CELSR1: variants seen among roughly 807,000 people sequenced by gnomAD.
The protein encoded by CELSR1 is adhesion G protein-coupled receptor C1.
In CELSR1, 110 loss-of-function variants were observed where a neutral mutation model predicts 249.1. The ratio of observed to expected loss-of-function variants is 0.44; its 90% CI spans 0.38 to 0.52. CELSR1 has a LOEUF of 0.52. Among genes scored for constraint, CELSR1 ranks in the 20% least tolerant of loss-of-function variants. CELSR1 has a pLI of 0.00. For synonymous variants in CELSR1, 2,113 were observed against 1,900.0 expected, an observed-to-expected ratio of 1.11 and a Z score of -2.92; for missense variants, 4,109 against 4,296.4, an observed-to-expected ratio of 0.96 and a Z score of 1.22.
At chr22:46,419,508 G>A (rs1468682813) in intron 5 of CELSR1, among the ~76,000 whole-genome samples, 5 of 151,988 alleles carry the variant, frequency 3.3e-5, no homozygotes, top group Non-Finnish European at 2.9e-5. Flanking sequence ...AGCCTCCCGG[G>A]GCCTGCCTCC....
rs1294380713 is a variant in CELSR1, at chr22:46,433,654, C to G, written c.4523-173G>C. On this transcript the variant is annotated intron_variant, in intron 4 of 34. Transcript: ENST00000674500. This position sits in a 1 kb window ranked among gnomAD's most constrained non-coding sequence, Gnocchi z 5.7. ...CCCACCACTCCATCCATTTTCTTTT[C>G]TGGTTACAAAAGTAATTCTTGTTCC... is the stretch of plus-strand genomic sequence containing the variant. Among the ~76,000 whole-genome samples, 3 of 152,190 alleles carry G rather than the reference C, an allele frequency of 2.0e-5. 1 individual carries two copies. In the South Asian group the frequency reaches 6.2e-4, roughly 32 times the overall value.
intron 2 of CELSR1, among the ~76,000 whole-genome samples, chr22:46,453,162 A>G (rs1016636476): frequency 2.6e-5 from 4 of 152,170 alleles, no homozygotes; most frequent in East Asian, 1.9e-4. Context: ...ACATGGAAAG[A>G]CGACCGAGGA....
Position 46,536,374 on chromosome 22 carries a change from T to C in CELSR1, c.797A>G (p.Gln266Arg). The C allele has an allele frequency of 6.2e-7, 1 of 1,612,208 alleles. No homozygotes were observed. Among genetic ancestry groups the C allele is most frequent in the Non-Finnish European group, 8.5e-7 (1 of 1,179,436 alleles). Residue 266 changes from glutamine to arginine, a missense_variant, in exon 1 of 35, where the codon CAG becomes CGG. Around this residue, in one of 7 missense-constraint regions of CELSR1, gnomAD observed 673 missense variants for 636.8 expected, o/e 1.06. Transcript: ENST00000674500. ...ENEPAGTLILQLHAHYTIEGE... is the reference protein window; with the variant it reads ...ENEPAGTLILRLHAHYTIEGE... Reference sequence around the variant, plus strand: ...CTCGATGGTGTAGTGCGCGTGCAGCTGGAGGATGAGGGTGCCCGCCGGTTC... The same window carrying C: ...CTCGATGGTGTAGTGCGCGTGCAGCCGGAGGATGAGGGTGCCCGCCGGTTC...
At chr22:46,389,051 C>T (rs1168470261) in intron 18 of CELSR1, among the ~76,000 whole-genome samples, 1 of 152,268 alleles carries the variant, frequency 6.6e-6, no homozygotes, top group Non-Finnish European at 1.5e-5. Flanking sequence ...ACAGGCACTA[C>T]CAGGATCACC....
intron 9 of CELSR1, among the ~76,000 whole-genome samples, chr22:46,400,795 T>G (rs181582789): frequency 6.6e-6 from 1 of 151,700 alleles, no homozygotes; most frequent in African/African-American, 2.4e-5. Flanking sequence ...CTACTAAAAA[T>G]ACAAAAATTA....
rs903990857 is a variant in CELSR1, at chr22:46,488,452, C to T, written c.3545-24107G>A. On this transcript the variant is annotated intron_variant, in intron 1 of 34. Coordinates refer to ENST00000674500, the MANE Select transcript of CELSR1 (RefSeq NM_001378328.1). The surrounding 1 kb of genome is among the most constrained non-coding windows in gnomAD (Gnocchi z 4.7). ...TAGTGCCATAGAGCGTGCACCTAGG[C>T]GTGCGTGCCAGTGAGCTCAGTGGGA... is the stretch of plus-strand genomic sequence containing the variant. Among the ~76,000 whole-genome samples the T allele has an allele frequency of 2.6e-5, 4 of 152,156 alleles. No homozygotes were observed. Among genetic ancestry groups the T allele is most frequent in the Admixed American group, 6.5e-5 (1 of 15,280 alleles).
At chr22:46,513,773 T>C (rs1298636713) in intron 1 of CELSR1, among the ~76,000 whole-genome samples, 2 of 152,158 alleles carry the variant, frequency 1.3e-5, no homozygotes, top group Non-Finnish European at 2.9e-5. Flanking sequence ...AAGCCATAGA[T>C]AAGTTTATTA....
In CELSR1 at chr22:46,411,219, C is replaced by CA. The variant is rs1300189290; in HGVS notation, c.4769+382dup. On this transcript the variant is annotated intron_variant, in intron 6 of 34. Transcript: ENST00000674500. This position sits in a 1 kb window ranked among gnomAD's most constrained non-coding sequence, Gnocchi z 4.2. ...ATCTCAGAAAAAAACAAAACAACAA[C>CA]AAAAAAACATAAGCCTCTGGGACCA... is the stretch of plus-strand genomic sequence containing the variant. 6.6e-6 allele frequency among the ~76,000 whole-genome samples: 1 copy of CA among 152,014 alleles called. No homozygotes were observed. The highest frequency in any genetic ancestry group is 1.5e-5 in the Non-Finnish European group (1 of 67,986).
At position 46,413,032 on chromosome 22, in the gene CELSR1, G is replaced by T. The variant is rs2079356681; in HGVS notation, c.4612-1273C>A. Reference sequence around the variant, plus strand: ...CCTCCCACCACCCCTATAAAGGATGGGTTCGATGCCTCCTCCTGATAGTTC... The same window carrying T: ...CCTCCCACCACCCCTATAAAGGATGTGTTCGATGCCTCCTCCTGATAGTTC... On this transcript the variant is annotated intron_variant, in intron 5 of 34. Transcript: ENST00000674500. This position sits in a 1 kb window ranked among gnomAD's most constrained non-coding sequence, Gnocchi z 4.7. Among the ~76,000 whole-genome samples, 1 of 152,138 alleles carries T rather than the reference G, an allele frequency of 6.6e-6. No individual in the cohort carries two copies. Among genetic ancestry groups the T allele is most frequent in the African/African-American group, 2.4e-5 (1 of 41,412 alleles).
At position 46,393,038 on chromosome 22, in the gene CELSR1, C is replaced by G. The variant is rs1346624883; in HGVS notation, c.5964+1104G>C. Among the ~76,000 whole-genome samples the G allele has an allele frequency of 6.6e-6, 1 of 152,204 alleles. No homozygotes were observed. Among genetic ancestry groups the G allele is most frequent in the Non-Finnish European group, 1.5e-5 (1 of 68,038 alleles). On this transcript the variant is annotated intron_variant, in intron 14 of 34. Coordinates refer to ENST00000674500, the MANE Select transcript of CELSR1 (RefSeq NM_001378328.1). The surrounding 1 kb of genome is among the most constrained non-coding windows in gnomAD (Gnocchi z 4.1). ...ACACAAGTCCCATTTGCTGTTGGAA[C>G]CACCGCAGGCACTGGGGGGGGACAC... is the stretch of plus-strand genomic sequence containing the variant.
Position 46,367,716 on chromosome 22 carries a change from G to GGCC in CELSR1, c.8079+10_8079+12dup. 1.3e-6 allele frequency: 2 copies of GGCC among 1,587,332 alleles called. No individual in the cohort carries two copies. The highest frequency in any genetic ancestry group is 1.7e-6 in the Non-Finnish European group (2 of 1,168,130). On this transcript the variant is annotated intron_variant, in intron 28 of 34. Coordinates refer to ENST00000674500, the MANE Select transcript of CELSR1 (RefSeq NM_001378328.1). ...CAGGCAGGGGTCCCGCGGGCAACTC[G>GGCC]GCCGTCACCTACCTGTAAGCCGCTG...
At chr22:46,367,699 G>A in intron 28 of CELSR1, 30 bp downstream of exon 28, 2 of 1,575,406 alleles carry the variant, frequency 1.3e-6, no homozygotes, top group Non-Finnish European at 1.7e-6. Flanking sequence ...GCCAGGCAGG[G>A]GTCCCGCGGG....
Position 46,363,934 on chromosome 22 carries a change from TCTC to T in CELSR1, c.9035+59_9035+61del, listed in dbSNP as rs1192316566. 4 of 1,480,618 alleles carry T rather than the reference TCTC, an allele frequency of 2.7e-6. No individual in the cohort carries two copies. The African/African-American group carries it at 4.3e-5, about 16-fold the overall frequency. 91.7% of individuals were successfully genotyped at this position (1,480,618 alleles called of 1,614,324 possible). ...AGGTCCCTGACCACTGCCCCCTCTC[TCTC>T]CTGACTCAGGACAAGGGGGAAGTGG... On this transcript the variant is annotated intron_variant, in intron 34 of 34. Coordinates refer to ENST00000674500, the MANE Select transcript of CELSR1 (RefSeq NM_001378328.1). The surrounding 1 kb of genome is among the most constrained non-coding windows in gnomAD (Gnocchi z 4.3).
chr22:46,478,746 G>T (rs1376537058), intron 1 of CELSR1, among the ~76,000 whole-genome samples: 1 of 151,590 alleles, frequency 6.6e-6, no homozygotes, highest in Non-Finnish European at 1.5e-5. Flanking sequence ...TAGAGACGGG[G>T]TTTCACCATG....
At chr22:46,489,645 G>T (rs930274670) in intron 1 of CELSR1, among the ~76,000 whole-genome samples, 1 of 152,106 alleles carries the variant, frequency 6.6e-6, no homozygotes. Flanking sequence ...GTGCACGGTG[G>T]CTCATACCTG....
intron 5 of CELSR1, among the ~76,000 whole-genome samples, chr22:46,415,440 G>A (rs531403734): frequency 4.0e-4 from 61 of 152,080 alleles, no homozygotes; most frequent in Non-Finnish European, 5.3e-4. Context: ...ATGAGCCACC[G>A]TACCATCCAG....
At chr22:46,405,128 A>C (rs2079251203) in intron 9 of CELSR1, among the ~76,000 whole-genome samples, 1 of 147,926 alleles carries the variant, frequency 6.8e-6, no homozygotes, top group Non-Finnish European at 1.5e-5. Context: ...CCCAGCCTCC[A>C]TTTTGTTTTC....
rs796617759 is a variant in CELSR1 at position 46,403,987 on chromosome 22, A to G, written c.5227-4085T>C. On this transcript the variant is annotated intron_variant, in intron 9 of 34. Coordinates refer to ENST00000674500, the MANE Select transcript of CELSR1 (RefSeq NM_001378328.1). ...ACTCCGTCTCAAAAAAAAAAAAAAA[A>G]AAAGAAAAAAAGAAAAAAAAAACTG... Among the ~76,000 whole-genome samples, 46 of 150,658 alleles carry G rather than the reference A, an allele frequency of 3.1e-4. No homozygotes were observed. In the East Asian group the frequency reaches 8.2e-3, roughly 27 times the overall value.
At position 46,364,652 on chromosome 22, in the gene CELSR1, G is replaced by A. The variant is rs112154468; in HGVS notation, c.8639C>T (p.Pro2880Leu). Residue 2880 changes from proline to leucine, a missense_variant, in exon 33 of 35, where the codon CCC (proline) becomes CTC (leucine). Transcript: ENST00000674500. ...GACCTTGGTCTCCACCTTCAGGCGG[G>A]GCTTGCCGCTGGGGTCCTCACTGTC... ...ESDSEDPSGK[P>L]RLKVETKVSV... is the part of the protein sequence containing the mutation. 1.2e-5 allele frequency: 20 copies of A among 1,612,700 alleles called. No individual in the cohort carries two copies. The highest frequency in any genetic ancestry group is 4.0e-5 in the African/African-American group (3 of 75,064).
Sources: gnomAD v4.1 joint callset for allele counts (sites outside exome capture counted in the v4.1 genomes callset) on GRCh38, gnomAD v4.1.1 for gene constraint, gnomAD v4.1.1 regional missense constraint, Gnocchi (gnomAD v3.1) non-coding constraint, MANE v1.5 for transcripts, NCBI Gene and HGNC (gene_info 2026-07-23, HGNC 2026-07-21) for gene names.